Variants in COP1 observed in about 807,000 individuals in gnomAD.
COP1 encodes E3 ubiquitin-protein ligase COP1.
A neutral mutation model predicts 101.3 loss-of-function variants in COP1; 24 were observed. The observed-to-expected ratio is 0.24, with a 90% CI of 0.17 to 0.33. The LOEUF (loss-of-function observed/expected upper bound fraction) is 0.33. Ranked by LOEUF, COP1 falls within the 10% of genes least tolerant of loss-of-function variation. COP1 has a pLI of 1.00. For missense variants in COP1, 663 were observed against 906.2 expected (o/e 0.73, Z 3.45); for synonymous variants, 347 against 341.9 (o/e 1.01, Z -0.17).
At chr1:176,172,269 T>C (rs186929793) in intron 3 of COP1, among the ~76,000 whole-genome samples, 1 of 152,340 alleles carries the variant, frequency 6.6e-6, no homozygotes, top group Admixed American at 6.5e-5. Flanking sequence ...CGCAAACTCA[T>C]GGCCTCGAAT....
chr1:176,130,734 T>C (rs1162388373), intron 8 of COP1, among the ~76,000 whole-genome samples: 1 of 151,764 alleles, frequency 6.6e-6, no homozygotes, highest in Non-Finnish European at 1.5e-5. Flanking sequence ...AAACCTTGTA[T>C]TTAAGTCCTT....
chr1:175,981,761 G>T (rs1397689974), intron 18 of COP1, among the ~76,000 whole-genome samples: 1 of 151,998 alleles, frequency 6.6e-6, no homozygotes, highest in Non-Finnish European at 1.5e-5. Flanking sequence ...CAGTTAGGGG[G>T]TTATAAGGAA....
At chr1:176,113,903 AC>A (rs1270903042) in intron 9 of COP1, among the ~76,000 whole-genome samples, 1 of 151,636 alleles carries the variant, frequency 6.6e-6, no homozygotes, top group Non-Finnish European at 1.5e-5. Context: ...TAAAGTTTTA[AC>A]CAGTAAAGAA....
intron 8 of COP1, chr1:176,133,753 A>C (rs1384095475): frequency 2.6e-6 from 1 of 382,844 alleles, no homozygotes; most frequent in Non-Finnish European, 5.1e-6. Flanking sequence ...AAAATTTGCT[A>C]CTGTTAAACA....
At position 176,181,599 on chromosome 1, in the gene COP1, T is replaced by C. The variant is rs549622872; in HGVS notation, c.467+3034A>G. On this transcript the variant is annotated intron_variant, in intron 2 of 19. Coordinates refer to ENST00000367669, the MANE Select transcript of COP1 (RefSeq NM_022457.7). ...GGCTCACGCTTGTAATCCCAGCACT[T>C]TGGGAGGCCGAGGCGGGCGGATCAC... Among the ~76,000 whole-genome samples, 30 of 152,094 alleles carry C rather than the reference T, an allele frequency of 2.0e-4. 1 individual carries two copies. The South Asian group carries it at 5.6e-3, about 28-fold the overall frequency.
intron 8 of COP1, among the ~76,000 whole-genome samples, chr1:176,123,832 A>G (rs545448030): frequency 2.6e-5 from 4 of 152,204 alleles, no homozygotes; most frequent in Non-Finnish European, 5.9e-5. Context: ...TTAAGAATTT[A>G]TTCAAAAACA....
chr1:175,987,530 C>A (rs1219704164), intron 17 of COP1, among the ~76,000 whole-genome samples: 1 of 152,158 alleles, frequency 6.6e-6, no homozygotes, highest in Non-Finnish European at 1.5e-5. Context: ...AAAGTGGCAA[C>A]ACTTACACAG....
chr1:176,023,548 A>G (rs865829915), intron 15 of COP1, among the ~76,000 whole-genome samples: 47 of 151,650 alleles, frequency 3.1e-4, no homozygotes, highest in African/African-American at 9.7e-4. Context: ...GTGAAACCCC[A>G]TCTCTACTAA....
chr1:176,098,008 C>G (rs1682732614), intron 9 of COP1, among the ~76,000 whole-genome samples: 1 of 151,954 alleles, frequency 6.6e-6, no homozygotes, highest in Admixed American at 6.6e-5. Context: ...TAAAAAACAG[C>G]CTTAAAGATT....
intron 1 of COP1, among the ~76,000 whole-genome samples, chr1:176,203,134 GAGACC>G (rs1419451016): frequency 7.3e-5 from 11 of 151,502 alleles, no homozygotes; most frequent in African/African-American, 2.4e-4. Flanking sequence ...TCAGGAGATC[GAGACC>G]ATCCTGGCTA....
chr1:176,044,957 A>G lies in COP1; in HGVS notation c.1422-1139T>C, dbSNP rs1431431678. On this transcript the variant is annotated intron_variant, in intron 12 of 19. Coordinates refer to ENST00000367669, the MANE Select transcript of COP1 (RefSeq NM_022457.7). ...ATGGGCCAAGTGTTGTTCTGAGTGC[A>G]TTATGGGGATTTTTTAAAAGTACAA... 2.0e-5 allele frequency among the ~76,000 whole-genome samples: 3 copies of G among 152,272 alleles called. No homozygotes were observed. The East Asian group carries it at 5.8e-4, about 29-fold the overall frequency.
chr1:176,100,573 G>A (rs760862496), intron 9 of COP1, among the ~76,000 whole-genome samples: 3 of 152,084 alleles, frequency 2.0e-5, no homozygotes, highest in African/African-American at 7.2e-5. Context: ...AAAACAAAAG[G>A]GATGGGTAAT....
intron 9 of COP1, among the ~76,000 whole-genome samples, chr1:176,108,006 A>T (rs1209503345): frequency 6.9e-6 from 1 of 145,754 alleles, no homozygotes; most frequent in Non-Finnish European, 1.5e-5. Flanking sequence ...AAATGCAACA[A>T]GTCATTCAGA....
At chr1:176,178,614 G>A (rs191018804) in intron 2 of COP1, among the ~76,000 whole-genome samples, 62 of 152,222 alleles carry the variant, frequency 4.1e-4, no homozygotes, top group African/African-American at 1.4e-3. Flanking sequence ...CACTATGGGA[G>A]GCCAAGGCCG....
chr1:176,078,069 G>C (rs1678388820), intron 11 of COP1, among the ~76,000 whole-genome samples: 1 of 152,150 alleles, frequency 6.6e-6, no homozygotes, highest in African/African-American at 2.4e-5. Flanking sequence ...TGGCAATATT[G>C]TTCAAAGCAA....
intron 10 of COP1, among the ~76,000 whole-genome samples, chr1:176,082,418 C>A (rs569269791): frequency 2.0e-5 from 3 of 152,056 alleles, no homozygotes; most frequent in Non-Finnish European, 4.4e-5. Context: ...TAATATAATG[C>A]ACAGTAAAGA....
At chr1:176,155,795 A>G (rs1572573177) in intron 5 of COP1, among the ~76,000 whole-genome samples, 1 of 152,088 alleles carries the variant, frequency 6.6e-6, no homozygotes, top group Non-Finnish European at 1.5e-5. Flanking sequence ...GCTTTAGGAG[A>G]AGGATGGTAA....
intron 18 of COP1, among the ~76,000 whole-genome samples, chr1:175,978,899 G>A (rs1285068318): frequency 6.6e-6 from 1 of 152,114 alleles, no homozygotes; most frequent in Admixed American, 6.6e-5. Flanking sequence ...ATTTTTAGGA[G>A]TAGCATTTTT....
At chr1:176,065,943 GTGACCTCAAACTCC>G (rs887354100) in intron 11 of COP1, among the ~76,000 whole-genome samples, 5 of 151,828 alleles carry the variant, frequency 3.3e-5, no homozygotes, top group African/African-American at 1.2e-4. Context: ...TCCTGACCTG[GTGACCTCAAACTCC>G]TGACCTCAAA....
Sources: gnomAD v4.1 joint callset for allele counts (sites outside exome capture counted in the v4.1 genomes callset) on GRCh38, gnomAD v4.1.1 for gene constraint, MANE v1.5 for transcripts, NCBI Gene and HGNC (gene_info 2026-07-23, HGNC 2026-07-21) for gene names.